The following CHRM5 variants were observed in gnomAD, a reference collection of about 807,000 sequenced individuals.
The protein encoded by CHRM5 is muscarinic acetylcholine receptor M5.
A neutral mutation model predicts 39.0 loss-of-function variants in CHRM5; 18 were observed. The observed-to-expected ratio is 0.46, with a 90% confidence interval of 0.32 to 0.68. CHRM5 has a LOEUF of 0.68. Ranked by LOEUF, CHRM5 falls within the 30% of genes least tolerant of loss-of-function variation. The probability of loss-of-function intolerance (pLI) is 0.04; values close to 1 mark genes in which losing one functional copy is unlikely to be tolerated. For missense variants in CHRM5, 515 were observed against 651.1 expected (o/e 0.79, Z 2.28); for synonymous variants, 241 against 246.3 (o/e 0.98, Z 0.20).
intron 1 of CHRM5, among the ~76,000 whole-genome samples, chr15:34,019,081 A>G (rs1429854025): frequency 1.3e-5 from 2 of 151,994 alleles, no homozygotes; most frequent in Admixed American, 6.6e-5. Context: ...TCAATCCTTT[A>G]GCTAGACACA....
At position 34,064,067 on chromosome 15, in the gene CHRM5, C is replaced by A; in HGVS notation, c.1350C>A (p.Ala450=). Residue 450 remains alanine (A), a synonymous_variant, in exon 3 of 3, where the codon GCC becomes GCA. Transcript: ENST00000383263. The part of the protein sequence containing the change: ...AAQTLSAILL[A]FIITWTPYNI... ...AGACACTGAGTGCCATTCTCCTGGC[C>A]TTCATCATCACATGGACCCCGTATA... The A allele has an allele frequency of 6.2e-7, 1 of 1,614,188 alleles. No homozygotes were observed. The highest frequency in any genetic ancestry group is 8.5e-7 in the Non-Finnish European group (1 of 1,180,042).
chr15:34,039,461 A>G (rs927531602), intron 1 of CHRM5, among the ~76,000 whole-genome samples: 2 of 151,142 alleles, frequency 1.3e-5, no homozygotes, highest in Non-Finnish European at 2.9e-5. Flanking sequence ...GTCTAAACAA[A>G]TACATACTAA....
rs150405972 is a variant in CHRM5, at chr15:34,037,681, T to C, written c.-407-8859T>C. Among the ~76,000 whole-genome samples the C allele has an allele frequency of 4.6e-5, 7 of 151,940 alleles. No individual in the cohort carries two copies. In the East Asian group the frequency reaches 9.6e-4, roughly 21 times the overall value. ...GGTAAACTGACCCTAAAAATGTTTT[T>C]ATATCTCATTCAAGTTTTGCCTATT... is the stretch of plus-strand genomic sequence containing the variant. On this transcript the variant is annotated intron_variant, in intron 1 of 2. Coordinates refer to ENST00000383263, the MANE Select transcript of CHRM5 (RefSeq NM_012125.4).
intron 1 of CHRM5, among the ~76,000 whole-genome samples, chr15:34,036,077 C>G (rs1054827002): frequency 6.6e-6 from 1 of 151,374 alleles, no homozygotes; most frequent in Non-Finnish European, 1.5e-5. Flanking sequence ...ATTACAAGCG[C>G]GAGCCACCAC....
At chr15:34,010,277 A>G (rs1009933746) in intron 1 of CHRM5, among the ~76,000 whole-genome samples, 8 of 152,338 alleles carry the variant, frequency 5.3e-5, no homozygotes, top group African/African-American at 1.7e-4. Flanking sequence ...TATGAACAGT[A>G]TATTTGGACA....
rs140569246 is a variant in CHRM5, at chr15:33,990,361, G to A, written c.-408+21211G>A. Among the ~76,000 whole-genome samples the A allele has an allele frequency of 5.2e-3, 795 of 152,020 alleles. 6 individuals carry two copies. Among genetic ancestry groups the A allele is most frequent in the African/African-American group, 0.018 (767 of 41,478 alleles). On this transcript the variant is annotated intron_variant, in intron 1 of 2. Transcript: ENST00000383263. The stretch of plus-strand genomic sequence containing the variant: ...CACGCCACTGCCCTCCAGCATGGGC[G>A]ACAGAGTGAGACCCTGTCTGAAAAA...
chr15:34,043,741 A>G (rs924618117), intron 1 of CHRM5, among the ~76,000 whole-genome samples: 2 of 152,208 alleles, frequency 1.3e-5, no homozygotes, highest in Non-Finnish European at 2.9e-5. Context: ...ATACATGACA[A>G]TATCTTCTCC....
At chr15:34,014,735 T>C (rs907307752) in intron 1 of CHRM5, among the ~76,000 whole-genome samples, 1 of 152,114 alleles carries the variant, frequency 6.6e-6, no homozygotes, top group Non-Finnish European at 1.5e-5. Context: ...CTAAATATGT[T>C]GGGTCTACTC....
At chr15:34,027,745 A>G (rs899507528) in intron 1 of CHRM5, among the ~76,000 whole-genome samples, 1 of 151,206 alleles carries the variant, frequency 6.6e-6, no homozygotes, top group African/African-American at 2.4e-5. Context: ...AAACAGTCCT[A>G]TTACCAGAGA....
At chr15:34,030,020 G>A (rs186455210) in intron 1 of CHRM5, among the ~76,000 whole-genome samples, 3 of 152,230 alleles carry the variant, frequency 2.0e-5, no homozygotes, top group South Asian at 4.1e-4. Flanking sequence ...TTGGGAGGCC[G>A]AGGCAGGCGG....
chr15:34,007,520 A>T (rs966127616), intron 1 of CHRM5, among the ~76,000 whole-genome samples: 8 of 152,152 alleles, frequency 5.3e-5, no homozygotes, highest in African/African-American at 1.9e-4. Flanking sequence ...GTCGCCTTTA[A>T]TGTCCATATT....
intron 1 of CHRM5, among the ~76,000 whole-genome samples, chr15:33,999,388 A>C (rs1296716187): frequency 6.6e-6 from 1 of 152,212 alleles, no homozygotes; most frequent in Non-Finnish European, 1.5e-5. Context: ...ATACCTTTGT[A>C]AATGATTCCT....
At chr15:33,997,881 T>C (rs1019233816) in intron 1 of CHRM5, among the ~76,000 whole-genome samples, 4 of 152,142 alleles carry the variant, frequency 2.6e-5, no homozygotes, top group Admixed American at 1.3e-4. Context: ...GTATACCTGT[T>C]CTCACCTTAA....
chr15:34,038,760 C>T (rs1899295795), intron 1 of CHRM5: 4 of 1,162,892 alleles, frequency 3.4e-6, no homozygotes, highest in Non-Finnish European at 4.2e-6. Flanking sequence ...GTCCCAGCCC[C>T]ACCAGCCGTC....
At chr15:34,043,049 C>T (rs1397105059) in intron 1 of CHRM5, among the ~76,000 whole-genome samples, 1 of 151,928 alleles carries the variant, frequency 6.6e-6, no homozygotes, top group Admixed American at 6.6e-5. Context: ...AGATTGAGAC[C>T]ATCCTGGCTA....
chr15:34,022,352 C>T (rs1898238124), intron 1 of CHRM5, among the ~76,000 whole-genome samples: 1 of 152,218 alleles, frequency 6.6e-6, no homozygotes, highest in African/African-American at 2.4e-5. Flanking sequence ...CTCCCTTCTG[C>T]AGCTCTTTTC....
intron 1 of CHRM5, among the ~76,000 whole-genome samples, chr15:33,983,148 G>GTGTGTA (rs1555512735): frequency 4.4e-5 from 6 of 137,546 alleles, no homozygotes; most frequent in African/African-American, 1.4e-4. Flanking sequence ...GTGTGTGTGT[G>GTGTGTA]TGTGTGTGTG....
At chr15:34,004,182 G>T (rs1420922430) in intron 1 of CHRM5, among the ~76,000 whole-genome samples, 1 of 152,062 alleles carries the variant, frequency 6.6e-6, no homozygotes, top group Non-Finnish European at 1.5e-5. Flanking sequence ...GAAAAGCTTG[G>T]GTATAAAAAA....
intron 1 of CHRM5, chr15:34,038,704 G>T: frequency 9.1e-7 from 1 of 1,103,188 alleles, no homozygotes; most frequent in Non-Finnish European, 1.1e-6. Flanking sequence ...GCTCTCTTGC[G>T]GCTCTTGACT....
Sources: allele counts gnomAD v4.1 joint callset (sites outside exome capture counted in the v4.1 genomes callset), GRCh38; gene constraint gnomAD v4.1.1; transcripts MANE v1.5; gene names NCBI Gene and HGNC (gene_info 2026-07-23, HGNC 2026-07-21).